Variants in SYTL5 observed in about 807,000 individuals in gnomAD.
SYTL5 encodes the protein synaptotagmin-like protein 5.
In SYTL5, 34 loss-of-function variants were observed where a neutral mutation model predicts 55.9. The observed-to-expected ratio is 0.61, with a 90% CI of 0.46 to 0.81. The LOEUF is 0.81. SYTL5 is among the 30% of genes least tolerant of loss of function. SYTL5 has a pLI of 0.00. For missense variants in SYTL5, 637 were observed against 546.7 expected, an observed-to-expected ratio of 1.17 and a Z score of -1.65; for synonymous variants, 221 against 188.7, an observed-to-expected ratio of 1.17 and a Z score of -1.40.
At chrX:37,898,101 A>G in the SYTL5 span, among the ~76,000 whole-genome samples, 1 of 109,960 alleles carries the variant, frequency 9.1e-6, no homozygotes, top group African/African-American at 3.3e-5. Flanking sequence ...CTCTGTCTCA[A>G]AAAAAAAAAT....
At chrX:37,963,911 G>T in the SYTL5 span, among the ~76,000 whole-genome samples, 1 of 111,459 alleles carries the variant, frequency 9.0e-6, no homozygotes, top group African/African-American at 3.3e-5. Context: ...TTTGTTGAGT[G>T]TTTTTATCAT....
intron 6 of SYTL5, among the ~76,000 whole-genome samples, chrX:38,085,071 C>T (rs781601390): frequency 8.7e-4 from 96 of 110,963 alleles, no homozygotes; most frequent in African/African-American, 2.9e-3. Context: ...GACAAAGTGT[C>T]CTTCAGTGTA....
the SYTL5 span, among the ~76,000 whole-genome samples, chrX:37,986,392 A>G: frequency 9.0e-6 from 1 of 111,086 alleles, no homozygotes; most frequent in Non-Finnish European, 1.9e-5. Flanking sequence ...TTGGGGCTGC[A>G]TGTACCGGTA....
At chrX:38,017,169 C>T (rs749212860) in intron 1 of SYTL5, among the ~76,000 whole-genome samples, 9 of 111,479 alleles carry the variant, frequency 8.1e-5, no homozygotes, top group African/African-American at 2.6e-4. Context: ...CTACAAGGCC[C>T]GCAACTGTGT....
At chrX:38,111,758 C>T (rs754149684) in intron 13 of SYTL5, among the ~76,000 whole-genome samples, 1 of 111,939 alleles carries the variant, frequency 8.9e-6, no homozygotes, top group Admixed American at 9.4e-5. Context: ...GGGCCTGGTT[C>T]TCCTAATTAT....
At chrX:37,921,746 T>C in the SYTL5 span, among the ~76,000 whole-genome samples, 1 of 111,951 alleles carries the variant, frequency 8.9e-6, no homozygotes, top group Non-Finnish European at 1.9e-5. Context: ...CATCTATGCT[T>C]CCTTACAACA....
At chrX:38,059,441 G>C (rs1055844382) in intron 3 of SYTL5, among the ~76,000 whole-genome samples, 1 of 111,400 alleles carries the variant, frequency 9.0e-6, no homozygotes, top group African/African-American at 3.2e-5. Context: ...TTAGGATAAG[G>C]CTCTTGCATA....
the SYTL5 span, among the ~76,000 whole-genome samples, chrX:37,922,263 A>C: frequency 8.9e-6 from 1 of 111,825 alleles, no homozygotes; most frequent in African/African-American, 3.2e-5. Context: ...CATCAGGGAT[A>C]TTTGTGGCAA....
At chrX:37,908,455 T>C in the SYTL5 span, among the ~76,000 whole-genome samples, 20 of 111,565 alleles carry the variant, frequency 1.8e-4, no homozygotes, top group Non-Finnish European at 3.2e-4. Flanking sequence ...AAAGTATCCG[T>C]TTTTTCAGCT....
chrX:38,060,051 C>T (rs967353698), intron 3 of SYTL5, among the ~76,000 whole-genome samples: 5 of 110,913 alleles, frequency 4.5e-5, no homozygotes, highest in African/African-American at 1.3e-4. Context: ...GCTTCTGTAC[C>T]GGGAGAAGAA....
At position 38,100,763 on chromosome X, in the gene SYTL5, G is replaced by A. The variant is rs187676746; in HGVS notation, c.1063-1579G>A. ...TCTTTAAAATGATATAGATAAGCAC[G>A]TGGAGATATGTTCACCCCTTGACTT... On this transcript the variant is annotated intron_variant, in intron 9 of 16. Transcript: ENST00000297875. Among the ~76,000 whole-genome samples the A allele has an allele frequency of 1.6e-3, 182 of 111,008 alleles. No homozygotes were observed. In the South Asian group the frequency reaches 0.017, roughly 10 times the overall value.
At chrX:37,924,076 A>G in the SYTL5 span, among the ~76,000 whole-genome samples, 1 of 111,666 alleles carries the variant, frequency 9.0e-6, no homozygotes, top group Non-Finnish European at 1.9e-5. Context: ...CTTGGGGAAA[A>G]TTGACACAAT....
At position 38,033,972 on chromosome X, in the gene SYTL5, A is replaced by G; in HGVS notation, c.83A>G (p.Asp28Gly). 1 of 1,191,619 alleles carries G rather than the reference A, an allele frequency of 8.4e-7. No individual in the cohort carries two copies. Among genetic ancestry groups the G allele is most frequent in the Non-Finnish European group, 1.1e-6 (1 of 880,587 alleles). The change falls in exon 2 of 17, where the codon GAT becomes GGT. Residue 28 changes from aspartate to glycine, a missense_variant. Physicochemically the swap from Asp to Gly is moderately conservative, Grantham distance 94. Transcript: ENST00000297875. ...KEMILGVLKR[D>G]EYLKKVEDKR... The stretch of plus-strand genomic sequence containing the variant: ...ATGATCCTGGGCGTCCTAAAGAGAG[A>G]TGAATATTTGAAAAAAGTGGAGGAC...
At chrX:37,907,342 T>G in the SYTL5 span, among the ~76,000 whole-genome samples, 1 of 112,211 alleles carries the variant, frequency 8.9e-6, no homozygotes, top group East Asian at 2.8e-4. Context: ...TTGTCATTTG[T>G]TTTATAACCT....
chrX:37,954,810 G>A, the SYTL5 span, among the ~76,000 whole-genome samples: 3 of 111,438 alleles, frequency 2.7e-5, no homozygotes, highest in African/African-American at 6.5e-5. Context: ...TAGCAACATC[G>A]TGTGCAAAGC....
At chrX:37,967,672 T>C in the SYTL5 span, among the ~76,000 whole-genome samples, 34,110 of 110,336 alleles carry the variant, frequency 0.31, 4,345 homozygotes, top group East Asian at 0.71. Flanking sequence ...TTTTTCTTTC[T>C]GATGCTCACA....
rs138457978 is a variant in SYTL5 at position 38,118,585 on chromosome X, G to A, written c.1597-1773G>A. Among the ~76,000 whole-genome samples the A allele has an allele frequency of 3.0e-3, 332 of 111,501 alleles. 2 individuals carry two copies. The highest frequency in any genetic ancestry group is 3.8e-3 in the Non-Finnish European group (204 of 53,094). ...CAAGTGGGAGACCTATAGAATAGAGGTTCTGGGTGCACGTGCACATTGACT... is the reference window on the plus strand; with the variant it reads ...CAAGTGGGAGACCTATAGAATAGAGATTCTGGGTGCACGTGCACATTGACT... On this transcript the variant is annotated intron_variant, in intron 13 of 16. Transcript: ENST00000297875.
At chrX:37,997,938 G>T in the SYTL5 span, among the ~76,000 whole-genome samples, 1,091 of 112,292 alleles carry the variant, frequency 9.7e-3, 5 homozygotes, top group South Asian at 0.021. Context: ...CTGAACAAAT[G>T]TTGGGACCAC....
At chrX:37,991,014 T>C in the SYTL5 span, 1 of 1,212,102 alleles carries the variant, frequency 8.3e-7, no homozygotes, top group Non-Finnish European at 1.1e-6. Flanking sequence ...CTTGCTCGAT[T>C]GCCTTGCTGA....
Sources: allele counts gnomAD v4.1 joint callset (sites outside exome capture counted in the v4.1 genomes callset), GRCh38; gene constraint gnomAD v4.1.1; transcripts MANE v1.5; gene names NCBI Gene and HGNC (gene_info 2026-07-23, HGNC 2026-07-21).